Variants in INTS4 observed in about 807,000 individuals in gnomAD.
INTS4 encodes integrator complex subunit 4, also known as MSTP093.
Under a neutral mutation model 119.5 loss-of-function variants are expected in INTS4, and 70 were observed. The ratio of observed to expected loss-of-function variants is 0.59; its 90% CI spans 0.48 to 0.71. INTS4 has a LOEUF of 0.71. Ranked by LOEUF, INTS4 falls within the 30% of genes least tolerant of loss-of-function variation. The probability of loss-of-function intolerance (pLI) is 0.00; values close to 1 mark genes in which losing one functional copy is unlikely to be tolerated. For missense variants in INTS4, 867 were observed against 1,173.2 expected, an observed-to-expected ratio of 0.74 and a Z score of 3.81; for synonymous variants, 316 against 419.6, an observed-to-expected ratio of 0.75 and a Z score of 3.02.
chr11:77,916,857 G>A (rs2136470044), intron 15 of INTS4, among the ~76,000 whole-genome samples: 1 of 152,266 alleles, frequency 6.6e-6, no homozygotes, highest in East Asian at 1.9e-4. Flanking sequence ...TGATTTCTGG[G>A]TCCTGTAATA....
At chr11:77,938,934 C>T (rs568233540) in intron 9 of INTS4, 109 bp from the exon 10 acceptor site, 6 of 735,428 alleles carry the variant, frequency 8.2e-6, no homozygotes, top group South Asian at 4.4e-5. Context: ...TTGAGAGTTA[C>T]GTTTGTAAAA....
intron 4 of INTS4, among the ~76,000 whole-genome samples, chr11:77,967,804 A>G (rs1312993212): frequency 6.6e-6 from 1 of 152,254 alleles, no homozygotes; most frequent in African/African-American, 2.4e-5. Context: ...AGGTAATGAA[A>G]GACAAAGAAA....
chr11:77,916,803 C>T (rs902317041), intron 15 of INTS4, among the ~76,000 whole-genome samples: 2 of 152,224 alleles, frequency 1.3e-5, no homozygotes, highest in Non-Finnish European at 2.9e-5. Context: ...TCTGTTTTTC[C>T]ACAGCATCTA....
At chr11:77,917,924 G>A (rs1272752999) in intron 15 of INTS4, 2 of 606,294 alleles carry the variant, frequency 3.3e-6, no homozygotes, top group African/African-American at 3.7e-5. Flanking sequence ...TCCTTGAAGT[G>A]AGAGATGGCC....
intron 10 of INTS4, among the ~76,000 whole-genome samples, chr11:77,936,849 G>A (rs946833423): frequency 1.3e-5 from 2 of 152,048 alleles, no homozygotes; most frequent in African/African-American, 4.8e-5. Context: ...AATGAAAGTC[G>A]CCAAAGGGCC....
chr11:77,948,977 ATCTGGTTTTTAGTT>A (rs1197465277), intron 8 of INTS4, among the ~76,000 whole-genome samples: 1 of 152,228 alleles, frequency 6.6e-6, no homozygotes, highest in Admixed American at 6.5e-5. Flanking sequence ...AAGAAGAACA[ATCTGGTTTTTAGTT>A]TTTTTTAGCG....
chr11:77,951,419 T>G (rs1954192625), intron 8 of INTS4, among the ~76,000 whole-genome samples: 1 of 152,168 alleles, frequency 6.6e-6, no homozygotes, highest in South Asian at 2.1e-4. Flanking sequence ...GGGAAAGGAT[T>G]CTCTATTTAA....
intron 16 of INTS4, among the ~76,000 whole-genome samples, chr11:77,903,934 T>C (rs1952859984): frequency 1.3e-5 from 2 of 152,328 alleles, no homozygotes; most frequent in African/African-American, 4.8e-5. Context: ...GCTTCCGGGC[T>C]CTAGGCACTC....
At chr11:77,946,150 G>C (rs1954042530) in intron 8 of INTS4, among the ~76,000 whole-genome samples, 1 of 152,178 alleles carries the variant, frequency 6.6e-6, no homozygotes, top group South Asian at 2.1e-4. Flanking sequence ...CTCATCTACA[G>C]CATTGCCATC....
chr11:77,993,984 G>C (rs1240211816), intron 1 of INTS4, among the ~76,000 whole-genome samples: 1 of 152,056 alleles, frequency 6.6e-6, no homozygotes, highest in African/African-American at 2.4e-5. Context: ...CAGGGACTCT[G>C]CCCACCTGTC....
At chr11:77,956,489 T>C (rs1180118014) in intron 7 of INTS4, among the ~76,000 whole-genome samples, 1 of 152,002 alleles carries the variant, frequency 6.6e-6, no homozygotes, top group Non-Finnish European at 1.5e-5. Context: ...GGTGGATAAC[T>C]TGAGGTCAAG....
chr11:77,885,856 G>C (rs1029983038), intron 21 of INTS4, among the ~76,000 whole-genome samples: 1 of 151,696 alleles, frequency 6.6e-6, no homozygotes, highest in African/African-American at 2.4e-5. Flanking sequence ...GAAGGGCAGA[G>C]GGGGGCTGAA....
intron 15 of INTS4, among the ~76,000 whole-genome samples, chr11:77,911,475 A>G (rs1056015431): frequency 1.3e-5 from 2 of 152,222 alleles, no homozygotes; most frequent in Non-Finnish European, 2.9e-5. Context: ...CAGAATACAG[A>G]CCAACTGACT....
At chr11:77,877,563 C>T (rs1951633260), downstream of INTS4, among the ~76,000 whole-genome samples, 1 of 152,132 alleles carries the variant, frequency 6.6e-6, no homozygotes, top group African/African-American at 2.4e-5. Flanking sequence ...ATATACTTCC[C>T]CTGAGGTGGT....
At chr11:77,973,648 T>C (rs1855823077) in intron 4 of INTS4, among the ~76,000 whole-genome samples, 2 of 152,210 alleles carry the variant, frequency 1.3e-5, no homozygotes, top group Non-Finnish European at 2.9e-5. Flanking sequence ...AGATATTTTA[T>C]GTGTTCTTAT....
intron 10 of INTS4, among the ~76,000 whole-genome samples, chr11:77,932,212 G>A (rs951693178): frequency 5.3e-5 from 8 of 151,962 alleles, no homozygotes; most frequent in African/African-American, 1.9e-4. Context: ...CTAATATCCA[G>A]AATCTACAAG....
intron 7 of INTS4, among the ~76,000 whole-genome samples, chr11:77,956,773 ATAAG>A (rs1417391404): frequency 2.7e-5 from 4 of 148,452 alleles, no homozygotes; most frequent in African/African-American, 5.0e-5. Context: ...AAATAAATAC[ATAAG>A]TAAGTAAGGC....
At chr11:77,940,132 A>G (rs1953894676) in intron 9 of INTS4, among the ~76,000 whole-genome samples, 1 of 152,216 alleles carries the variant, frequency 6.6e-6, no homozygotes, top group African/African-American at 2.4e-5. Context: ...AGGGCATTTC[A>G]TAAGAGGCAT....
At chr11:77,899,969 A>G (rs1301743783) in intron 18 of INTS4, among the ~76,000 whole-genome samples, 2 of 152,190 alleles carry the variant, frequency 1.3e-5, no homozygotes, top group East Asian at 3.8e-4. Flanking sequence ...AATTTTTCTA[A>G]CAATTATATA....
Sources: gnomAD v4.1 joint callset for allele counts (sites outside exome capture counted in the v4.1 genomes callset) on GRCh38, gnomAD v4.1.1 for gene constraint, MANE v1.5 for transcripts, NCBI Gene and HGNC (gene_info 2026-07-23, HGNC 2026-07-21) for gene names.